Variants in ANK2 observed in about 807,000 individuals in gnomAD.
The protein encoded by ANK2 is ankyrin-2.
Under a neutral mutation model 360.5 loss-of-function variants are expected in ANK2, and 83 were observed. The observed-to-expected ratio is 0.23, with a 90% CI of 0.19 to 0.28. ANK2 has a LOEUF of 0.28. Ranked by LOEUF, ANK2 falls within the 10% of genes least tolerant of loss-of-function variation. The probability of loss-of-function intolerance (pLI) is 1.00; values close to 1 mark genes in which losing one functional copy is unlikely to be tolerated. For synonymous variants in ANK2, 1,740 were observed against 1,759.5 expected (o/e 0.99, Z 0.28); for missense variants, 4,201 against 4,795.7 (o/e 0.88, Z 3.66).
intron 1 of ANK2, among the ~76,000 whole-genome samples, chr4:113,144,339 C>T (rs1447882546): frequency 6.6e-6 from 1 of 152,014 alleles, no homozygotes; most frequent in East Asian, 1.9e-4. Context: ...ACAAAAATGT[C>T]CCTCTTGGAT....
the ANK2 span, among the ~76,000 whole-genome samples, chr4:112,798,893 G>T: frequency 6.6e-6 from 1 of 152,134 alleles, no homozygotes; most frequent in African/African-American, 2.4e-5. Flanking sequence ...TACATTCACA[G>T]TGTTGTGCAA....
At chr4:113,247,907 G>A (rs920554171) in intron 9 of ANK2, among the ~76,000 whole-genome samples, 1 of 152,174 alleles carries the variant, frequency 6.6e-6, no homozygotes, top group Non-Finnish European at 1.5e-5. Flanking sequence ...AGCAACTAAT[G>A]CTCTGTAGTT....
intron 1 of ANK2, among the ~76,000 whole-genome samples, chr4:113,161,732 GTGCA>G (rs892623974): frequency 6.8e-6 from 1 of 147,898 alleles, no homozygotes. Flanking sequence ...GTGTGTGTGT[GTGCA>G]TGTGCATGTA....
chr4:113,084,341 G>A (rs1369385889), intron 1 of ANK2, among the ~76,000 whole-genome samples: 1 of 152,228 alleles, frequency 6.6e-6, no homozygotes, highest in Non-Finnish European at 1.5e-5. Flanking sequence ...TGGTCAGCTA[G>A]CTTCCTCTGC....
At chr4:113,081,685 T>C (rs2082442571) in intron 1 of ANK2, among the ~76,000 whole-genome samples, 1 of 152,184 alleles carries the variant, frequency 6.6e-6, no homozygotes, top group Admixed American at 6.5e-5. Flanking sequence ...AATGTAAAGA[T>C]TGAATTTACA....
chr4:113,015,371 T>C (rs556033077), intron 2 of ANK2, among the ~76,000 whole-genome samples: 4 of 152,338 alleles, frequency 2.6e-5, no homozygotes, highest in African/African-American at 9.6e-5. Context: ...AATATGACAA[T>C]TTTTAAATAG....
At chr4:112,735,020 G>C in the ANK2 span, among the ~76,000 whole-genome samples, 2 of 152,136 alleles carry the variant, frequency 1.3e-5, no homozygotes, top group Admixed American at 6.5e-5. Context: ...TCATTCCCTA[G>C]AGCAATTGCA....
At chr4:113,315,828 C>T (rs1377557904) in intron 24 of ANK2, among the ~76,000 whole-genome samples, 6 of 136,542 alleles carry the variant, frequency 4.4e-5, no homozygotes, top group African/African-American at 1.1e-4. Flanking sequence ...ACCTGGGAGG[C>T]GGAGCTTGCA....
intron 13 of ANK2, 127 bp downstream of exon 13, chr4:113,258,538 T>C: frequency 1.2e-6 from 1 of 845,838 alleles, no homozygotes; most frequent in African/African-American, 1.6e-5. Context: ...GAAGGGCCCT[T>C]GTAATAACAC....
At chr4:112,957,366 G>A (rs1488158348) in intron 2 of ANK2, among the ~76,000 whole-genome samples, 1 of 152,194 alleles carries the variant, frequency 6.6e-6, no homozygotes, top group Non-Finnish European at 1.5e-5. Flanking sequence ...CAAGGCAGAA[G>A]AATTTTTCTT....
At chr4:112,960,507 G>A (rs2034230718) in intron 2 of ANK2, among the ~76,000 whole-genome samples, 2 of 151,870 alleles carry the variant, frequency 1.3e-5, no homozygotes, top group African/African-American at 2.4e-5. Context: ...TTTTTCTGTT[G>A]CTGTTTGTTT....
chr4:113,217,694 T>A (rs1335156878), intron 4 of ANK2, among the ~76,000 whole-genome samples: 2 of 152,060 alleles, frequency 1.3e-5, no homozygotes, highest in African/African-American at 4.8e-5. Flanking sequence ...GCTCAGGCGG[T>A]AATGCTCACT....
At chr4:113,373,020 A>C in intron 43 of ANK2, 70 bp from the exon 44 acceptor site, 2 of 1,239,644 alleles carry the variant, frequency 1.6e-6, no homozygotes, top group South Asian at 2.4e-5. Context: ...CTCACATTAT[A>C]AGCACTTGGG....
chr4:112,746,512 A>AT, the ANK2 span, among the ~76,000 whole-genome samples: 1 of 151,370 alleles, frequency 6.6e-6, no homozygotes, highest in Non-Finnish European at 1.5e-5. Flanking sequence ...TGTCTCAAAA[A>AT]AAAAAAAAAA....
chr4:112,891,170 C>A (rs765457254), intron 1 of ANK2, among the ~76,000 whole-genome samples: 1 of 152,112 alleles, frequency 6.6e-6, no homozygotes, highest in Admixed American at 6.6e-5. Flanking sequence ...TGACTTGCCT[C>A]GTGCCACGTA....
chr4:113,044,716 C>T (rs1350487841), upstream of ANK2, among the ~76,000 whole-genome samples: 8 of 152,114 alleles, frequency 5.3e-5, no homozygotes, highest in Admixed American at 4.6e-4. Flanking sequence ...CCAATTTCTG[C>T]CTCTGTCTTT....
chr4:113,012,015 A>T (rs1445386035), intron 2 of ANK2, among the ~76,000 whole-genome samples: 1 of 152,108 alleles, frequency 6.6e-6, no homozygotes, highest in African/African-American at 2.4e-5. Context: ...AAATTTCATC[A>T]TGTTTAAAAG....
chr4:112,929,440 A>T (rs1342076971), intron 2 of ANK2, among the ~76,000 whole-genome samples: 1 of 152,240 alleles, frequency 6.6e-6, no homozygotes, highest in Non-Finnish European at 1.5e-5. Flanking sequence ...AAGTGAAGAA[A>T]TGAAAAGATC....
chr4:112,851,406 A>T (rs916135225), intron 1 of ANK2, among the ~76,000 whole-genome samples: 6 of 152,170 alleles, frequency 3.9e-5, no homozygotes, highest in African/African-American at 1.4e-4. Flanking sequence ...ACATCCCTCC[A>T]CATGGAGGAA....
Sources: allele counts gnomAD v4.1 joint callset (sites outside exome capture counted in the v4.1 genomes callset), GRCh38; gene constraint gnomAD v4.1.1; transcripts MANE v1.5; gene names NCBI Gene and HGNC (gene_info 2026-07-23, HGNC 2026-07-21).